TNFRSF9: variants seen among roughly 807,000 people sequenced by gnomAD.
TNFRSF9 encodes the protein tumor necrosis factor receptor superfamily member 9.
A neutral mutation model predicts 28.8 loss-of-function variants in TNFRSF9; 16 were observed. The observed-to-expected ratio is 0.55, with a 90% confidence interval of 0.38 to 0.84. The LOEUF (loss-of-function observed/expected upper bound fraction) is 0.84. Ranked by LOEUF, TNFRSF9 falls within the 40% of genes least tolerant of loss-of-function variation. The pLI is 0.00. For synonymous variants in TNFRSF9, 131 were observed against 117.0 expected (o/e 1.12, Z -0.77); for missense variants, 303 against 315.0 (o/e 0.96, Z 0.29).
chr1:7,916,961 G>C lies in TNFRSF9; in HGVS notation c.*3874C>G, dbSNP rs1371306681. 6.6e-6 allele frequency: 1 copy of C among 151,836 alleles called. No homozygotes were observed. The highest frequency in any genetic ancestry group is 1.5e-5 in the Non-Finnish European group (1 of 68,002). The allele number at this position is 151,836 out of a possible 1,614,324, so 9.4% of individuals were successfully genotyped here. A position where few individuals can be genotyped will look rare whatever the true frequency, so the allele number is the denominator to read the frequency against. ...CTTTTTTTTCCTGAGACAGAGTTTC[G>C]CTCTGTCACCCAGGCTGGAGTGCAA... is the stretch of plus-strand genomic sequence containing the variant. On this transcript the variant is annotated 3_prime_UTR_variant, in exon 8 of 8. Transcript: ENST00000377507.
At chr1:7,933,694 CA>C (rs201643531) in intron 6 of TNFRSF9, among the ~76,000 whole-genome samples, 10 of 149,944 alleles carry the variant, frequency 6.7e-5, no homozygotes, top group African/African-American at 2.5e-4. Flanking sequence ...GACTCCATCT[CA>C]AAAAAAAGAA....
rs755163910 is a variant in TNFRSF9, at chr1:7,920,931, A to C, written c.680-8T>G. ...GTACTGGTCTCATAAATGCTAAAAA[A>C]AAAATTTTAAGATACGTATATTTTG... On this transcript the variant is annotated splice_polypyrimidine_tract_variant and splice_region_variant and intron_variant, in intron 7 of 7. Coordinates refer to ENST00000377507, the MANE Select transcript of TNFRSF9 (RefSeq NM_001561.6). 94 of 1,601,364 alleles carry C rather than the reference A, an allele frequency of 5.9e-5. No homozygotes were observed. Among genetic ancestry groups the C allele is most frequent in the Non-Finnish European group, 7.9e-5 (93 of 1,171,838 alleles).
chr1:7,931,777 A>G (rs1330082263), intron 7 of TNFRSF9, among the ~76,000 whole-genome samples: 1 of 152,242 alleles, frequency 6.6e-6, no homozygotes, highest in Non-Finnish European at 1.5e-5. Flanking sequence ...ATTTTTCTGT[A>G]TAGGTCACAA....
intron 7 of TNFRSF9, among the ~76,000 whole-genome samples, chr1:7,921,562 G>A (rs975153736): frequency 1.3e-4 from 20 of 151,572 alleles, no homozygotes; most frequent in South Asian, 4.2e-4. Flanking sequence ...CCAGCTACTC[G>A]GGAGGCTGAG....
chr1:7,923,311 C>A lies in TNFRSF9; in HGVS notation c.680-2388G>T, dbSNP rs116256832. Among the ~76,000 whole-genome samples, 1,280 of 152,324 alleles carry A rather than the reference C, an allele frequency of 8.4e-3. 11 individuals are homozygous for A. The highest frequency in any genetic ancestry group is 0.029 in the African/African-American group (1,226 of 41,576). ...ACTGAGTAGAGAGCCTGGACTTCCA[C>A]CCTCACGGCTGATTAAGGCTCATCT... is the stretch of plus-strand genomic sequence containing the variant. On this transcript the variant is annotated intron_variant, in intron 7 of 7. Transcript: ENST00000377507.
At chr1:7,936,302 C>T (rs947788808) in intron 5 of TNFRSF9, among the ~76,000 whole-genome samples, 5 of 152,032 alleles carry the variant, frequency 3.3e-5, no homozygotes, top group Non-Finnish European at 7.4e-5. Flanking sequence ...CCTGTAATCC[C>T]AGCTACTAGG....
intron 7 of TNFRSF9, among the ~76,000 whole-genome samples, chr1:7,929,490 C>T (rs1467678408): frequency 6.6e-6 from 1 of 151,960 alleles, no homozygotes; most frequent in Admixed American, 6.6e-5. Context: ...TTTAAAAACT[C>T]GCATCACCTT....
At position 7,939,930 on chromosome 1, in the gene TNFRSF9, C is replaced by T. The variant is rs779662678; in HGVS notation, c.65G>A (p.Arg22Lys). The change falls in exon 2 of 8, where the codon AGA (arginine) becomes AAA (lysine). Residue 22 changes from arginine (R) to lysine (K), a missense_variant. By Grantham distance (26) the Arg-to-Lys change is conservative. Transcript: ENST00000377507. ...GTTACTACAAGGATCCTGCAATGAT[C>T]TTGTCCTCTCAAAGTTGAGGACCAG... ...LLLVLNFERTRSLQDPCSNCP... is the reference protein window; with the variant it reads ...LLLVLNFERTKSLQDPCSNCP... The T allele has an allele frequency of 3.7e-6, 6 of 1,606,688 alleles. No individual in the cohort carries two copies. The South Asian group carries it at 6.6e-5, about 18-fold the overall frequency.
intron 7 of TNFRSF9, among the ~76,000 whole-genome samples, chr1:7,932,037 T>C (rs1284516403): frequency 2.6e-5 from 4 of 152,028 alleles, no homozygotes; most frequent in African/African-American, 9.7e-5. Flanking sequence ...CTCGGGAGCC[T>C]GAGGCAGGAG....
At chr1:7,938,891 C>A in intron 2 of TNFRSF9, 63 bp from the exon 3 acceptor site, 1 of 1,179,782 alleles carries the variant, frequency 8.5e-7, no homozygotes, top group Non-Finnish European at 1.2e-6. Context: ...CAAGGCATTC[C>A]GAAGTTTACA....
intron 7 of TNFRSF9, among the ~76,000 whole-genome samples, chr1:7,924,760 C>A (rs1303843994): frequency 2.0e-5 from 3 of 152,134 alleles, no homozygotes; most frequent in Non-Finnish European, 4.4e-5. Flanking sequence ...CATGTTTTTG[C>A]CCCAAAGATC....
Position 7,920,763 on chromosome 1 carries a change from C to T in TNFRSF9, c.*72G>A. 3.3e-6 allele frequency: 4 copies of T among 1,206,564 alleles called. No homozygotes were observed. The highest frequency in any genetic ancestry group is 4.9e-6 in the Non-Finnish European group (4 of 811,868). The allele number at this position is 1,206,564 out of a possible 1,614,324, so 74.7% of individuals were successfully genotyped here. ...AGGATGGTGTTCTTGCTTTTGAAAG[C>T]TGTGATAGCGGATGACTCATATTTC... On this transcript the variant is annotated 3_prime_UTR_variant, in exon 8 of 8. Transcript: ENST00000377507.
intron 4 of TNFRSF9, 53 bp downstream of exon 4, chr1:7,938,140 C>T (rs1242631691): frequency 2.0e-6 from 3 of 1,467,564 alleles, no homozygotes; most frequent in Middle Eastern, 1.8e-4. Flanking sequence ...AAGATCAAAG[C>T]TAAGTTTGTC....
chr1:7,939,720 T>C (rs1484011941), intron 2 of TNFRSF9, among the ~76,000 whole-genome samples, 175 bp downstream of exon 2: 3 of 152,232 alleles, frequency 2.0e-5, no homozygotes, highest in African/African-American at 7.2e-5. Flanking sequence ...CACAAGAGGT[T>C]GAATGACTTT....
chr1:7,924,584 C>T (rs879732457), intron 7 of TNFRSF9, among the ~76,000 whole-genome samples: 3 of 151,802 alleles, frequency 2.0e-5, no homozygotes, highest in Non-Finnish European at 4.4e-5. Flanking sequence ...CCGAGACCGC[C>T]CCATTGCACT....
Position 7,935,010 on chromosome 1 carries a change from T to C in TNFRSF9, c.544+3A>G, listed in dbSNP as rs1578076405. On this transcript the variant is annotated splice_donor_region_variant and intron_variant, in intron 6 of 7. Transcript: ENST00000377507. ...CTTTGGCGTAAAGGCATAGCCCAGT[T>C]ACCTGGCTCTCTCGCAGGGGCAGGC... 1 of 1,614,022 alleles carries C rather than the reference T, an allele frequency of 6.2e-7. No homozygotes were observed. The highest frequency in any genetic ancestry group is 2.2e-5 in the East Asian group (1 of 44,882).
chr1:7,937,243 A>C (rs1345181791), intron 5 of TNFRSF9, among the ~76,000 whole-genome samples: 1 of 152,210 alleles, frequency 6.6e-6, no homozygotes, highest in Non-Finnish European at 1.5e-5. Context: ...AGCTCATTGC[A>C]GCCTCAACCT....
chr1:7,938,734 G>C lies in TNFRSF9; in HGVS notation c.195C>G (p.Cys65Trp), dbSNP rs766596112. ...SAGGQRTCDI[C>W]RQCKGVFRTR... ...TTGAACTCATACCTTTACACTGCCT[G>C]CATATGTCACAGGTCCTTTGTCCAC... The change falls in exon 3 of 8, where the codon TGC (cysteine) becomes TGG (tryptophan). Residue 65 changes from cysteine to tryptophan, a missense_variant. Physicochemically the swap from Cys to Trp is radical, Grantham distance 215 (BLOSUM62 -2). Coordinates refer to ENST00000377507, the MANE Select transcript of TNFRSF9 (RefSeq NM_001561.6). 4.3e-6 allele frequency: 7 copies of C among 1,611,912 alleles called. No homozygotes were observed. The highest frequency in any genetic ancestry group is 5.9e-6 in the Non-Finnish European group (7 of 1,178,312).
chr1:7,938,600 T>C, intron 3 of TNFRSF9, 121 bp downstream of exon 3: 1 of 902,686 alleles, frequency 1.1e-6, no homozygotes, highest in Middle Eastern at 3.1e-4. Flanking sequence ...GACCTGCTGG[T>C]TGGCAGAAGA....
Sources: allele counts gnomAD v4.1 joint callset (sites outside exome capture counted in the v4.1 genomes callset), GRCh38; gene constraint gnomAD v4.1.1; transcripts MANE v1.5; gene names NCBI Gene and HGNC (gene_info 2026-07-23, HGNC 2026-07-21).